Variants in PCDHA1 observed in about 807,000 individuals in gnomAD.
PCDHA1 encodes the protein protocadherin alpha 1.
In PCDHA1, 42 loss-of-function variants were observed where a neutral mutation model predicts 61.3. The observed-to-expected ratio is 0.69, with a 90% CI of 0.54 to 0.89. PCDHA1 has a LOEUF of 0.89. Among genes scored for constraint, PCDHA1 ranks in the 40% least tolerant of loss-of-function variants. The probability of loss-of-function intolerance (pLI) is 0.00; values close to 1 mark genes in which losing one functional copy is unlikely to be tolerated. For synonymous variants in PCDHA1, 610 were observed against 553.8 expected, an observed-to-expected ratio of 1.10 and a Z score of -1.43; for missense variants, 1,256 against 1,235.3, an observed-to-expected ratio of 1.02 and a Z score of -0.25.
chr5:140,934,706 T>G (rs141577289), intron 1 of PCDHA1, among the ~76,000 whole-genome samples: 348 of 152,292 alleles, frequency 2.3e-3, no homozygotes, highest in African/African-American at 8.1e-3. Context: ...CCTGGCCATC[T>G]TACAAAAAGG....
chr5:140,906,629 C>T (rs1554192599), intron 1 of PCDHA1, among the ~76,000 whole-genome samples: 1 of 152,222 alleles, frequency 6.6e-6, no homozygotes, highest in Non-Finnish European at 1.5e-5. Context: ...CTTCAGCAAG[C>T]ACCTCAGCAG....
rs147028446 is a variant in PCDHA1 at position 140,830,275 on chromosome 5, C to G, written c.2394+41591C>G. 962 of 1,613,698 alleles carry G rather than the reference C, an allele frequency of 6.0e-4. 1 individual carries two copies. The highest frequency in any genetic ancestry group is 7.3e-4 in the Non-Finnish European group (864 of 1,179,866). ...CGCTGCGGTGCTCGGCGCCACCCAC[C>G]GAGGGCGCGTGCACGGCGGACAAGC... On this transcript the variant is annotated intron_variant, in intron 1 of 3. Transcript: ENST00000504120.
intron 1 of PCDHA1, among the ~76,000 whole-genome samples, chr5:140,965,277 G>A (rs1209263426): frequency 6.6e-6 from 1 of 152,196 alleles, no homozygotes; most frequent in African/African-American, 2.4e-5. Context: ...CAATGACACA[G>A]CATGGAAAGA....
At chr5:140,875,508 G>A (rs1007736035) in intron 1 of PCDHA1, 19 of 1,613,588 alleles carry the variant, frequency 1.2e-5, no homozygotes, top group Non-Finnish European at 1.6e-5. Flanking sequence ...CGGGATCCCA[G>A]CGTCTGCTGC....
rs1221684887 is a variant in PCDHA1, at chr5:140,822,310, T to G, written c.2394+33626T>G. The G allele has an allele frequency of 2.5e-6, 4 of 1,614,088 alleles. No homozygotes were observed. In the African/African-American group the frequency reaches 4.0e-5, roughly 16 times the overall value. ...GTTAAATCCAAACGAATATTTTGACTTAGATGTTAAAACAAATGAAGAAGA... is the reference window on the plus strand; with the variant it reads ...GTTAAATCCAAACGAATATTTTGACGTAGATGTTAAAACAAATGAAGAAGA... On this transcript the variant is annotated intron_variant, in intron 1 of 3. Transcript: ENST00000504120.
intron 3 of PCDHA1, among the ~76,000 whole-genome samples, chr5:140,994,104 T>C (rs1356172498): frequency 6.6e-6 from 1 of 152,210 alleles, no homozygotes; most frequent in Non-Finnish European, 1.5e-5. Context: ...ATGGAAATAT[T>C]ACATTGTCAT....
intron 1 of PCDHA1, chr5:140,862,866 GC>G (rs11321479): frequency 0.66 from 374,898 of 571,004 alleles, 123,608 homozygotes; most frequent in Middle Eastern, 0.71. Context: ...ATGTGACGCT[GC>G]CAGGTATTAG....
intron 1 of PCDHA1, chr5:140,836,956 T>C (rs1363599144): frequency 2.4e-6 from 1 of 416,414 alleles, no homozygotes; most frequent in Non-Finnish European, 4.2e-6. Flanking sequence ...CTATGGTTTA[T>C]GTTGGCTACT....
At chr5:140,995,689 T>A (rs528829345) in intron 3 of PCDHA1, among the ~76,000 whole-genome samples, 33 of 152,250 alleles carry the variant, frequency 2.2e-4, no homozygotes, top group Admixed American at 6.5e-4. Flanking sequence ...TTTTAATTGT[T>A]AAATAAAGGG....
chr5:140,870,775 A>G (rs782661485), intron 1 of PCDHA1: 3 of 1,613,592 alleles, frequency 1.9e-6, no homozygotes, highest in Non-Finnish European at 1.7e-6. Context: ...GCTGGACGAG[A>G]ACGACAACGC....
chr5:140,806,705 A>G (rs1196570582), intron 1 of PCDHA1, among the ~76,000 whole-genome samples: 1 of 152,234 alleles, frequency 6.6e-6, no homozygotes, highest in African/African-American at 2.4e-5. Context: ...ATCTGTAATG[A>G]ATTTTTCTAA....
At chr5:140,821,779 G>A (rs1554128193) in intron 1 of PCDHA1, 29 of 1,609,248 alleles carry the variant, frequency 1.8e-5, no homozygotes, top group Admixed American at 3.4e-5. Flanking sequence ...GATTGAGATG[G>A]TATATTCCCG....
intron 1 of PCDHA1, among the ~76,000 whole-genome samples, chr5:140,974,980 G>A (rs149148015): frequency 2.4e-4 from 36 of 152,208 alleles, no homozygotes; most frequent in Non-Finnish European, 5.0e-4. Context: ...TGAGTTGTCC[G>A]CTCAGGTATT....
intron 1 of PCDHA1, chr5:140,929,343 A>G (rs1204297753): frequency 2.0e-6 from 3 of 1,531,032 alleles, no homozygotes; most frequent in Non-Finnish European, 2.6e-6. Context: ...AATTTTATGG[A>G]ATTTGATTCC....
chr5:140,824,488 C>A (rs1768136874), intron 1 of PCDHA1: 2 of 355,752 alleles, frequency 5.6e-6, no homozygotes, highest in East Asian at 6.0e-5. Context: ...TTTTAGAGAC[C>A]CTTTGTTGCT....
intron 1 of PCDHA1, chr5:140,849,719 G>T (rs1386986772): frequency 6.3e-7 from 1 of 1,598,444 alleles, no homozygotes; most frequent in African/African-American, 1.3e-5. Context: ...ACTCGTTGGT[G>T]CTGGACAGAG....
intron 1 of PCDHA1, among the ~76,000 whole-genome samples, chr5:140,888,521 C>A (rs191011552): frequency 1.3e-5 from 2 of 152,142 alleles, no homozygotes; most frequent in African/African-American, 2.4e-5. Context: ...TTAGTTCTGA[C>A]GTGAAGTTAA....
chr5:140,967,251 CG>C, intron 1 of PCDHA1: 1 of 1,613,410 alleles, frequency 6.2e-7, no homozygotes, highest in Non-Finnish European at 8.5e-7. Flanking sequence ...GAATCGGTGG[CG>C]CCTGGAGCGC....
At chr5:140,888,623 C>T (rs1456857060) in intron 1 of PCDHA1, among the ~76,000 whole-genome samples, 1 of 152,160 alleles carries the variant, frequency 6.6e-6, no homozygotes. Context: ...ACTAATTCGG[C>T]CTTCTATTAC....
Sources: allele counts gnomAD v4.1 joint callset (sites outside exome capture counted in the v4.1 genomes callset), GRCh38; gene constraint gnomAD v4.1.1; transcripts MANE v1.5; gene names NCBI Gene and HGNC (gene_info 2026-07-23, HGNC 2026-07-21).